Variants in MGAT3 observed in about 807,000 individuals in gnomAD.
The protein encoded by MGAT3 is GlcNAc-T III.
A neutral mutation model predicts 29.8 loss-of-function variants in MGAT3; 9 were observed. The observed-to-expected ratio is 0.30, with a 90% CI of 0.18 to 0.53. The LOEUF (loss-of-function observed/expected upper bound fraction) is 0.53, where lower values mean the gene tolerates loss of function less well. Among genes scored for constraint, MGAT3 ranks in the 20% least tolerant of loss-of-function variants. The pLI is 0.96. For missense variants in MGAT3, 557 were observed against 769.5 expected, an observed-to-expected ratio of 0.72 and a Z score of 3.27; for synonymous variants, 397 against 348.9, an observed-to-expected ratio of 1.14 and a Z score of -1.54.
Position 39,491,560 on chromosome 22 carries a change from G to C in MGAT3, c.*2611G>C, listed in dbSNP as rs1193761437. Reference sequence around the variant, plus strand: ...AGCGAAGGAAGATAGGAGCAGCTCAGAGCTGCCAGGCTCTGCCTTCCTCAC... The same window carrying C: ...AGCGAAGGAAGATAGGAGCAGCTCACAGCTGCCAGGCTCTGCCTTCCTCAC... On this transcript the variant is annotated 3_prime_UTR_variant, in exon 2 of 2. Coordinates refer to ENST00000341184, the MANE Select transcript of MGAT3 (RefSeq NM_002409.5). The surrounding 1 kb of genome is among the most constrained non-coding windows in gnomAD (Gnocchi z 5.5). 2 of 166,382 alleles carry C rather than the reference G, an allele frequency of 1.2e-5. No individual in the cohort carries two copies. The highest frequency in any genetic ancestry group is 1.3e-4 in the Admixed American group (2 of 15,278). The allele number at this position is 166,382 out of a possible 1,614,324, so 10.3% of individuals were successfully genotyped here.
intron 1 of MGAT3, among the ~76,000 whole-genome samples, chr22:39,483,306 C>A (rs915007421): frequency 6.6e-6 from 1 of 152,074 alleles, no homozygotes; most frequent in African/African-American, 2.4e-5. Context: ...ACGAGCCTGA[C>A]CAACATGGTG....
In MGAT3 at chr22:39,457,517, CGCCGCTGCT is replaced by C. The variant is rs1481919548; in HGVS notation, c.-36_-28del. 2.0e-5 allele frequency: 3 copies of C among 150,200 alleles called. No individual in the cohort carries two copies. The highest frequency in any genetic ancestry group is 7.3e-5 in the African/African-American group (3 of 41,082). The allele number at this position is 150,200 out of a possible 1,614,324, so 9.3% of individuals were successfully genotyped here. ...ACCCCGGGGGCCGCGGAGCCGCCGC[CGCCGCTGCT>C]GCCGCCGTTGCTGAGACCCAGCGGG... On this transcript the variant is annotated 5_prime_UTR_variant, in exon 1 of 2. Transcript: ENST00000341184. The surrounding 1 kb of genome is among the most constrained non-coding windows in gnomAD (Gnocchi z 6.8).
chr22:39,481,430 C>G (rs560352799), intron 1 of MGAT3, among the ~76,000 whole-genome samples: 2 of 152,368 alleles, frequency 1.3e-5, no homozygotes, highest in Non-Finnish European at 2.9e-5. Context: ...AGGCTCCCTA[C>G]CCTGTTGGGT....
In MGAT3 at chr22:39,487,758, T is replaced by C; in HGVS notation, c.411T>C (p.Pro137=). Residue 137 remains proline, a synonymous_variant, in exon 2 of 2, where the codon CCT becomes CCC. Coordinates refer to ENST00000341184, the MANE Select transcript of MGAT3 (RefSeq NM_002409.5). The surrounding 1 kb of genome is among the most constrained non-coding windows in gnomAD (Gnocchi z 5.7). ...CCCCGGGACGGCCGGAGGAGAAGCC[T>C]GAGGGGGCCAACGGCTCCTCGGCCC... ...RPPPGRPEEK[P]EGANGSSARR... is the part of the protein sequence containing the mutation. 6.6e-7 allele frequency: 1 copy of C among 1,520,126 alleles called. No homozygotes were observed. Among genetic ancestry groups the C allele is most frequent in the South Asian group, 1.3e-5 (1 of 78,048 alleles). 94.2% of individuals were successfully genotyped at this position (1,520,126 alleles called of 1,614,324 possible).
At chr22:39,462,191 A>G (rs2413592) in intron 1 of MGAT3, among the ~76,000 whole-genome samples, 118,616 of 152,132 alleles carry the variant, frequency 0.78, 46,671 homozygotes, top group East Asian at 0.98. Flanking sequence ...GAGCCACCAC[A>G]CCCAGCCTGC....
chr22:39,460,210 T>A (rs1277338237), intron 1 of MGAT3, among the ~76,000 whole-genome samples: 2 of 152,172 alleles, frequency 1.3e-5, no homozygotes, highest in Non-Finnish European at 2.9e-5. Context: ...AAGCCCTTCA[T>A]GTGGGGACCA....
intron 1 of MGAT3, among the ~76,000 whole-genome samples, chr22:39,475,081 C>T (rs1436635061): frequency 6.6e-6 from 1 of 150,820 alleles, no homozygotes; most frequent in Admixed American, 6.6e-5. Flanking sequence ...CCTCCATCTC[C>T]CTGCTGGTGT....
At chr22:39,465,886 T>C (rs1928630731) in intron 1 of MGAT3, among the ~76,000 whole-genome samples, 1 of 150,540 alleles carries the variant, frequency 6.6e-6, no homozygotes, top group Admixed American at 6.6e-5. Context: ...GAGCTGAGAT[T>C]GTGCCACTGC....
Position 39,457,999 on chromosome 22 carries a change from CGGCGGCGGCAGCCGA to C in MGAT3, c.-2+446_-2+460del, listed in dbSNP as rs1928387913. ...CTTCCCCACCCCCGACCCCAGACTGCGGCGGCGGCAGCCGAGGCCCAAGCGCAGTCGGGGGCTGGG... is the reference window on the plus strand; with the variant it reads ...CTTCCCCACCCCCGACCCCAGACTGCGGCCCAAGCGCAGTCGGGGGCTGGG... On this transcript the variant is annotated intron_variant, in intron 1 of 1. Coordinates refer to ENST00000341184, the MANE Select transcript of MGAT3 (RefSeq NM_002409.5). The surrounding 1 kb of genome is among the most constrained non-coding windows in gnomAD (Gnocchi z 6.8). Among the ~76,000 whole-genome samples, 1 of 152,020 alleles carries C rather than the reference CGGCGGCGGCAGCCGA, an allele frequency of 6.6e-6. No individual in the cohort carries two copies. Among genetic ancestry groups the C allele is most frequent in the African/African-American group, 2.4e-5 (1 of 41,416 alleles).
intron 1 of MGAT3, among the ~76,000 whole-genome samples, chr22:39,486,979 G>C (rs1368037974): frequency 6.6e-6 from 1 of 152,190 alleles, no homozygotes; most frequent in Non-Finnish European, 1.5e-5. Flanking sequence ...TCCTGGGGCG[G>C]AGTCTGTACT....
chr22:39,479,723 T>C (rs1465428946), intron 1 of MGAT3, among the ~76,000 whole-genome samples: 1 of 152,214 alleles, frequency 6.6e-6, no homozygotes, highest in Non-Finnish European at 1.5e-5. Flanking sequence ...TACAGAAAAG[T>C]GCTTAACCTG....
At chr22:39,461,812 G>A (rs1928504993) in intron 1 of MGAT3, among the ~76,000 whole-genome samples, 1 of 152,088 alleles carries the variant, frequency 6.6e-6, no homozygotes, top group African/African-American at 2.4e-5. Context: ...CATGTGTTGT[G>A]TTCCTATGGC....
Position 39,488,502 on chromosome 22 carries a change from G to T in MGAT3, c.1155G>T (p.Gln385His). 6.2e-7 allele frequency: 1 copy of T among 1,613,210 alleles called. No homozygotes were observed. The highest frequency in any genetic ancestry group is 8.5e-7 in the Non-Finnish European group (1 of 1,180,022). ...GLDGIRLRRR[Q>H]YYTMPNFRQY... ...ACGGCATCCGCCTGCGCCGCCGCCA[G>T]TACTACACCATGCCCAACTTCAGAC... Residue 385 changes from glutamine (Q) to histidine (H), a missense_variant, in exon 2 of 2, where the codon CAG (glutamine) becomes CAT (histidine). Gln to His is a conservative substitution (Grantham distance 24). Transcript: ENST00000341184.
Position 39,487,328 on chromosome 22 carries a change from GTC to G in MGAT3, c.-1-8_-1-7del, listed in dbSNP as rs536905093. 30 of 1,600,076 alleles carry G rather than the reference GTC, an allele frequency of 1.9e-5. No individual in the cohort carries two copies. Among genetic ancestry groups the G allele is most frequent in the Middle Eastern group, 1.7e-4 (1 of 5,978 alleles). ...CCTGGGCTGCCCTGATGAGTCTCCT[GTC>G]TCTCTCTCTCCCGCAGGATGAAGAT... On this transcript the variant is annotated splice_polypyrimidine_tract_variant and intron_variant, in intron 1 of 1. Coordinates refer to ENST00000341184, the MANE Select transcript of MGAT3 (RefSeq NM_002409.5). The surrounding 1 kb of genome is among the most constrained non-coding windows in gnomAD (Gnocchi z 5.7).
intron 1 of MGAT3, among the ~76,000 whole-genome samples, chr22:39,475,141 T>C (rs1285886690): frequency 6.6e-6 from 1 of 151,292 alleles, no homozygotes; most frequent in African/African-American, 2.4e-5. Context: ...TTTTTTTTTT[T>C]TTTTTTTTTA....
intron 1 of MGAT3, among the ~76,000 whole-genome samples, chr22:39,468,591 CA>C (rs1295368121): frequency 6.6e-6 from 1 of 152,234 alleles, no homozygotes; most frequent in Admixed American, 6.5e-5. Flanking sequence ...CCCAAGTTGG[CA>C]AAGCAGGCAG....
intron 1 of MGAT3, among the ~76,000 whole-genome samples, chr22:39,479,663 C>G (rs1176460687): frequency 6.6e-6 from 1 of 152,250 alleles, no homozygotes; most frequent in African/African-American, 2.4e-5. Context: ...TAGCACTTAT[C>G]ATTGAGTGCT....
chr22:39,484,774 G>T (rs534781859), intron 1 of MGAT3, among the ~76,000 whole-genome samples: 1 of 152,018 alleles, frequency 6.6e-6, no homozygotes, highest in Non-Finnish European at 1.5e-5. Context: ...AAGCTGAGGC[G>T]GGCAGATCAC....
chr22:39,460,350 AG>A (rs1928462445), intron 1 of MGAT3, among the ~76,000 whole-genome samples: 1 of 151,902 alleles, frequency 6.6e-6, no homozygotes, highest in Admixed American at 6.6e-5. Context: ...TGCTCCACCT[AG>A]CCCTGTGCTG....
Sources: allele counts gnomAD v4.1 joint callset (sites outside exome capture counted in the v4.1 genomes callset), GRCh38; gene constraint gnomAD v4.1.1; non-coding constraint Gnocchi (gnomAD v3.1); transcripts MANE v1.5; gene names NCBI Gene and HGNC (gene_info 2026-07-23, HGNC 2026-07-21).